Variants in GPR107 observed in about 807,000 individuals in gnomAD.
The protein encoded by GPR107 is G protein-coupled receptor 107.
Under a neutral mutation model 75.5 loss-of-function variants are expected in GPR107, and 31 were observed. The observed-to-expected ratio is 0.41, with a 90% CI of 0.31 to 0.55. The LOEUF is 0.55. Ranked by LOEUF, GPR107 falls within the 20% of genes least tolerant of loss-of-function variation. GPR107 has a pLI of 0.26. For missense variants in GPR107, 572 were observed against 665.7 expected (o/e 0.86, Z 1.55); for synonymous variants, 267 against 251.3 (o/e 1.06, Z -0.59).
chr9:130,109,244 C>T (rs1831235983), intron 14 of GPR107, among the ~76,000 whole-genome samples: 1 of 151,918 alleles, frequency 6.6e-6, no homozygotes, highest in African/African-American at 2.4e-5. Context: ...GATCTCTGCT[C>T]TCTGTAGCCT....
chr9:130,074,934 C>T (rs1484960222), intron 1 of GPR107, among the ~76,000 whole-genome samples: 1 of 151,026 alleles, frequency 6.6e-6, no homozygotes, highest in Non-Finnish European at 1.5e-5. Flanking sequence ...CTACTAGATG[C>T]CAGGCATTGT....
intron 1 of GPR107, among the ~76,000 whole-genome samples, chr9:130,055,391 C>T (rs1829743014): frequency 6.6e-6 from 1 of 151,612 alleles, no homozygotes; most frequent in Non-Finnish European, 1.5e-5. Flanking sequence ...ATGGCGTGAA[C>T]CTGGGAGGCG....
At position 130,059,901 on chromosome 9, in the gene GPR107, G is replaced by C. The variant is rs376660191; in HGVS notation, c.141+5828G>C. Among the ~76,000 whole-genome samples the C allele has an allele frequency of 2.0e-5, 3 of 151,564 alleles. No individual in the cohort carries two copies. In the East Asian group the frequency reaches 5.8e-4, roughly 29 times the overall value. On this transcript the variant is annotated intron_variant, in intron 1 of 17. Transcript: ENST00000347136. ...TTACAGGCACCTGCCACCACACCTG[G>C]CCAATTTTTTGTATTTTTAGTAGAG...
intron 1 of GPR107, among the ~76,000 whole-genome samples, chr9:130,068,739 GTCC>G (rs1490515049): frequency 1.4e-5 from 2 of 145,230 alleles, no homozygotes; most frequent in Non-Finnish European, 3.0e-5. Context: ...AAAACAGTAT[GTCC>G]TCTTTTTTAT....
chr9:130,122,522 G>A (rs1192722692), intron 14 of GPR107, among the ~76,000 whole-genome samples: 1 of 152,194 alleles, frequency 6.6e-6, no homozygotes, highest in East Asian at 1.9e-4. Flanking sequence ...CCATCCCTCA[G>A]GGGAGGAGGA....
intron 1 of GPR107, among the ~76,000 whole-genome samples, chr9:130,065,126 A>G (rs1484316706): frequency 6.6e-6 from 1 of 152,166 alleles, no homozygotes; most frequent in Non-Finnish European, 1.5e-5. Context: ...ATTTTTGAGT[A>G]ATAACTTTCA....
At chr9:130,085,526 A>T (rs1007812305) in intron 6 of GPR107, among the ~76,000 whole-genome samples, 1 of 151,874 alleles carries the variant, frequency 6.6e-6, no homozygotes, top group Non-Finnish European at 1.5e-5. Flanking sequence ...GTAGTGAAAT[A>T]TCCATCACCC....
Position 130,135,286 on chromosome 9 carries a change from CTT to C in GPR107, c.*168_*169del. 2.0e-6 allele frequency: 1 copy of C among 492,104 alleles called. No individual in the cohort carries two copies. Among genetic ancestry groups the C allele is most frequent in the East Asian group, 3.5e-5 (1 of 28,594 alleles). The allele number at this position is 492,104 out of a possible 1,614,324, so 30.5% of individuals were successfully genotyped here. ...CCGCGGAAACCTGATTTTGTACTCT[CTT>C]TTATGGAAACGATCTGTGGCTGTTT... is the stretch of plus-strand genomic sequence containing the variant. On this transcript the variant is annotated 3_prime_UTR_variant, in exon 18 of 18. Transcript: ENST00000347136.
At chr9:130,102,875 C>G (rs1831069492) in intron 12 of GPR107, among the ~76,000 whole-genome samples, 1 of 152,196 alleles carries the variant, frequency 6.6e-6, no homozygotes, top group African/African-American at 2.4e-5. Context: ...CCCTAAACTC[C>G]TGGGCTCAGG....
chr9:130,118,792 C>A (rs1364894292), intron 14 of GPR107, among the ~76,000 whole-genome samples: 1 of 152,184 alleles, frequency 6.6e-6, no homozygotes, highest in Non-Finnish European at 1.5e-5. Flanking sequence ...CTGTTGCTCA[C>A]CCCCATTAAG....
chr9:130,107,444 A>G, intron 13 of GPR107, 52 bp from the exon 14 acceptor site: 1 of 990,560 alleles, frequency 1.0e-6, no homozygotes, highest in Non-Finnish European at 1.6e-6. Flanking sequence ...GGAAATAGAG[A>G]GGAGTGCAGA....
At chr9:130,097,994 A>C (rs561308336) in intron 9 of GPR107, among the ~76,000 whole-genome samples, 6 of 152,086 alleles carry the variant, frequency 3.9e-5, no homozygotes, top group African/African-American at 1.4e-4. Context: ...TGATCCTCCC[A>C]CATCAGCCTC....
intron 1 of GPR107, among the ~76,000 whole-genome samples, chr9:130,070,988 G>C (rs1435085406): frequency 1.3e-5 from 2 of 149,844 alleles, no homozygotes; most frequent in Admixed American, 6.7e-5. Flanking sequence ...CAAAGTGTTG[G>C]GATTATAGAT....
intron 11 of GPR107, 81 bp downstream of exon 11, chr9:130,100,783 A>T: frequency 9.9e-7 from 1 of 1,008,940 alleles, no homozygotes; most frequent in South Asian, 1.3e-5. Flanking sequence ...GCCCCAAGTT[A>T]ACCAGCCCTG....
intron 5 of GPR107, among the ~76,000 whole-genome samples, chr9:130,081,075 G>T (rs1031656793): frequency 6.6e-6 from 1 of 152,032 alleles, no homozygotes; most frequent in Admixed American, 6.6e-5. Context: ...TTAGCCATGC[G>T]TAGTGGCATG....
chr9:130,122,387 T>C (rs548875710), intron 14 of GPR107, among the ~76,000 whole-genome samples: 2 of 152,190 alleles, frequency 1.3e-5, no homozygotes, highest in African/African-American at 4.8e-5. Context: ...GAACAGCAGG[T>C]TTGCATCCAG....
intron 13 of GPR107, among the ~76,000 whole-genome samples, chr9:130,106,457 C>T (rs866574027): frequency 4.0e-5 from 6 of 151,692 alleles, no homozygotes; most frequent in South Asian, 2.1e-4. Flanking sequence ...ATTAGCTGGG[C>T]GTGGTAGCAT....
chr9:130,079,844 A>G, intron 5 of GPR107, 75 bp downstream of exon 5: 1 of 949,090 alleles, frequency 1.1e-6, no homozygotes, highest in Non-Finnish European at 1.5e-6. Flanking sequence ...AATTAAAAGT[A>G]AAAGTAAAAC....
At chr9:130,096,339 TAC>T (rs1830867808) in intron 9 of GPR107, among the ~76,000 whole-genome samples, 1 of 152,146 alleles carries the variant, frequency 6.6e-6, no homozygotes, top group Non-Finnish European at 1.5e-5. Context: ...CCCTTTGTGG[TAC>T]ACTCTCATTC....
Sources: allele counts gnomAD v4.1 joint callset (sites outside exome capture counted in the v4.1 genomes callset), GRCh38; gene constraint gnomAD v4.1.1; transcripts MANE v1.5; gene names NCBI Gene and HGNC (gene_info 2026-07-23, HGNC 2026-07-21).